MTUS2: variants seen among roughly 807,000 people sequenced by gnomAD.
The protein encoded by MTUS2 is microtubule-associated tumor suppressor candidate 2.
MTUS2 carries 40 observed loss-of-function variants against 114.1 expected under a neutral mutation model. The observed-to-expected ratio is 0.35, with a 90% confidence interval of 0.27 to 0.46. The LOEUF (loss-of-function observed/expected upper bound fraction) is 0.46, where lower values mean the gene tolerates loss of function less well. Ranked by LOEUF, MTUS2 falls within the 20% of genes least tolerant of loss-of-function variation. The pLI is 1.00. For synonymous variants in MTUS2, 688 were observed against 672.0 expected, an observed-to-expected ratio of 1.02 and a Z score of -0.37; for missense variants, 1,679 against 1,705.4, an observed-to-expected ratio of 0.98 and a Z score of 0.27.
Position 29,409,920 on chromosome 13 carries a change from A to G in MTUS2, c.3118-30063A>G, listed in dbSNP as rs751274207. 2.4e-4 allele frequency among the ~76,000 whole-genome samples: 37 copies of G among 152,150 alleles called. 1 individual carries two copies. The highest frequency in any genetic ancestry group is 3.9e-4 in the Admixed American group (6 of 15,260). On this transcript the variant is annotated intron_variant, in intron 8 of 15. Coordinates refer to ENST00000612955, the MANE Select transcript of MTUS2 (RefSeq NM_001033602.4). ...AATATTTTGCAATTACAAATGCTAT[A>G]ATGAATGACCTTGTGTATTGTTAAA... is the stretch of plus-strand genomic sequence containing the variant.
chr13:29,433,599 G>A (rs185044581), intron 8 of MTUS2, among the ~76,000 whole-genome samples: 166 of 152,262 alleles, frequency 1.1e-3, no homozygotes, highest in African/African-American at 3.9e-3. Flanking sequence ...TTATGGATCT[G>A]GCCAATCTTC....
chr13:28,935,154 G>A (rs1410241673), intron 2 of MTUS2, among the ~76,000 whole-genome samples: 1 of 151,654 alleles, frequency 6.6e-6, no homozygotes, highest in Admixed American at 6.6e-5. Context: ...CTTCATTGCT[G>A]TGAAGTGTCC....
At chr13:29,325,466 A>G (rs113037265) in intron 7 of MTUS2, among the ~76,000 whole-genome samples, 5 of 126,414 alleles carry the variant, frequency 4.0e-5, no homozygotes, top group African/African-American at 5.7e-5. Flanking sequence ...AAAAAAAAAA[A>G]AAAAGAAAAG....
At chr13:29,219,698 T>C (rs931739512) in intron 5 of MTUS2, among the ~76,000 whole-genome samples, 4 of 152,236 alleles carry the variant, frequency 2.6e-5, no homozygotes, top group Non-Finnish European at 5.9e-5. Flanking sequence ...TCATCAGTTA[T>C]CTTAGCTAAT....
intron 5 of MTUS2, among the ~76,000 whole-genome samples, chr13:29,160,478 A>G (rs757477541): frequency 6.6e-6 from 1 of 152,194 alleles, no homozygotes; most frequent in African/African-American, 2.4e-5. Context: ...TGAGTCAAAA[A>G]TTATATCTGG....
chr13:29,303,837 C>G (rs1899315057), intron 6 of MTUS2, among the ~76,000 whole-genome samples: 1 of 152,104 alleles, frequency 6.6e-6, no homozygotes, highest in Non-Finnish European at 1.5e-5. Context: ...ACAGAATCAT[C>G]AGATTCTCCA....
At position 29,333,677 on chromosome 13, in the gene MTUS2, G is replaced by A. The variant is rs187419667; in HGVS notation, c.2905+8966G>A. Among the ~76,000 whole-genome samples, 9 of 152,270 alleles carry A rather than the reference G, an allele frequency of 5.9e-5. No individual in the cohort carries two copies. The East Asian group carries it at 1.4e-3, about 23-fold the overall frequency. ...ATGTATATTCTGTTGATTTGGGGTGGAGAGTTCTGTAGATGACTATTAGGT... is the reference window on the plus strand; with the variant it reads ...ATGTATATTCTGTTGATTTGGGGTGAAGAGTTCTGTAGATGACTATTAGGT... On this transcript the variant is annotated intron_variant, in intron 7 of 15. Coordinates refer to ENST00000612955, the MANE Select transcript of MTUS2 (RefSeq NM_001033602.4).
chr13:29,176,709 C>T (rs1893788724), intron 5 of MTUS2, among the ~76,000 whole-genome samples: 1 of 151,686 alleles, frequency 6.6e-6, no homozygotes, highest in Non-Finnish European at 1.5e-5. Flanking sequence ...AATCACTTCC[C>T]TACAGGCCAC....
At chr13:29,302,870 G>T (rs567719165) in intron 6 of MTUS2, among the ~76,000 whole-genome samples, 3 of 152,296 alleles carry the variant, frequency 2.0e-5, no homozygotes, top group African/African-American at 4.8e-5. Flanking sequence ...TCCCAACTGG[G>T]GTCTCTGGCC....
At chr13:29,488,287 G>A (rs1039275571) in intron 11 of MTUS2, 4 of 461,936 alleles carry the variant, frequency 8.7e-6, no homozygotes, top group Non-Finnish European at 1.6e-5. Flanking sequence ...GCCAGCCTCA[G>A]TCCCACCCCA....
chr13:29,055,752 A>G (rs757700392), intron 4 of MTUS2, among the ~76,000 whole-genome samples: 9 of 152,036 alleles, frequency 5.9e-5, no homozygotes, highest in Non-Finnish European at 1.0e-4. Flanking sequence ...TGCCATTCTA[A>G]CTGGTGTGAG....
At chr13:29,427,852 T>C (rs1876664993) in intron 8 of MTUS2, among the ~76,000 whole-genome samples, 1 of 152,234 alleles carries the variant, frequency 6.6e-6, no homozygotes, top group Non-Finnish European at 1.5e-5. Context: ...AAATCAATCA[T>C]GTAAATATTT....
intron 8 of MTUS2, among the ~76,000 whole-genome samples, chr13:29,360,700 C>T (rs898642103): frequency 9.6e-6 from 1 of 103,982 alleles, no homozygotes; most frequent in Non-Finnish European, 2.1e-5. Flanking sequence ...CCCCCCCCCC[C>T]CGTAAGAATT....
At chr13:29,347,154 G>A (rs1387507408) in intron 7 of MTUS2, among the ~76,000 whole-genome samples, 1 of 152,114 alleles carries the variant, frequency 6.6e-6, no homozygotes, top group Non-Finnish European at 1.5e-5. Flanking sequence ...CTGAATGGGA[G>A]CCTCAAGTTA....
chr13:28,973,655 G>C (rs1883957580), intron 2 of MTUS2, among the ~76,000 whole-genome samples: 1 of 152,168 alleles, frequency 6.6e-6, no homozygotes, highest in East Asian at 1.9e-4. Flanking sequence ...CCTATTGCTG[G>C]TGAGGCTAAG....
intron 6 of MTUS2, among the ~76,000 whole-genome samples, chr13:29,313,467 T>C (rs1432494338): frequency 6.6e-6 from 1 of 151,850 alleles, no homozygotes; most frequent in East Asian, 1.9e-4. Context: ...ACATATGGAG[T>C]GTGATGTGCA....
intron 4 of MTUS2, among the ~76,000 whole-genome samples, chr13:29,085,333 A>G (rs960718302): frequency 6.6e-6 from 1 of 152,282 alleles, no homozygotes. Context: ...GGTTTGTTAC[A>G]TGAGTAAATT....
intron 2 of MTUS2, among the ~76,000 whole-genome samples, chr13:28,843,525 T>G (rs1875650974): frequency 6.6e-6 from 1 of 152,176 alleles, no homozygotes; most frequent in African/African-American, 2.4e-5. Context: ...AATATTTAAA[T>G]TCATAGATCC....
At chr13:29,492,846 AAT>A (rs754862460) in intron 12 of MTUS2, 127 bp downstream of exon 12, 6 of 721,670 alleles carry the variant, frequency 8.3e-6, no homozygotes, top group Non-Finnish European at 1.4e-5. Flanking sequence ...ATATAAGGTA[AAT>A]AAGTCATACT....
Sources: gnomAD v4.1 joint callset for allele counts (sites outside exome capture counted in the v4.1 genomes callset) on GRCh38, gnomAD v4.1.1 for gene constraint, MANE v1.5 for transcripts, NCBI Gene and HGNC (gene_info 2026-07-23, HGNC 2026-07-21) for gene names.